Variants in MAN2C1 observed in about 807,000 individuals in gnomAD.
The protein encoded by MAN2C1 is alpha-mannosidase 2C1.
A neutral mutation model predicts 126.9 loss-of-function variants in MAN2C1; 111 were observed. The ratio of observed to expected loss-of-function variants is 0.87; its 90% CI spans 0.75 to 1.02. The LOEUF is 1.02. Among genes scored for constraint, MAN2C1 ranks in the 50% least tolerant of loss-of-function variants. The pLI is 0.00. For synonymous variants in MAN2C1, 567 were observed against 561.5 expected, an observed-to-expected ratio of 1.01 and a Z score of -0.14; for missense variants, 1,363 against 1,364.4, an observed-to-expected ratio of 1.00 and a Z score of 0.02.
At chr15:75,360,835 AG>A (rs1250019931) in intron 12 of MAN2C1, 147 bp from the exon 13 acceptor site, 1 of 1,208,290 alleles carries the variant, frequency 8.3e-7, no homozygotes, top group African/African-American at 1.5e-5. Context: ...TGGACGCCCT[AG>A]GAGAGCCTCT....
intron 16 of MAN2C1, 45 bp downstream of exon 16, chr15:75,359,575 T>C (rs2141329812): frequency 6.2e-7 from 1 of 1,606,974 alleles, no homozygotes; most frequent in Non-Finnish European, 8.5e-7. Context: ...CTGTCTGGCC[T>C]CCATCCTTCC....
Position 75,361,942 on chromosome 15 carries a change from C to T in MAN2C1, c.1014G>A (p.Gly338=), listed in dbSNP as rs139944296. The change falls in exon 9 of 26, where the codon GGG becomes GGA. Residue 338 remains glycine, a synonymous_variant. Transcript: ENST00000267978. The surrounding 1 kb of genome is among the most constrained non-coding windows in gnomAD (Gnocchi z 5.0). ...PVGGTWVEMD[G]NLPSGEAMVR... ...CCATGGCCTCTCCACTGGGCAGGTT[C>T]CCATCCTGGCAGTGAAGGAAGTGGG... 45 of 1,613,452 alleles carry T rather than the reference C, an allele frequency of 2.8e-5. No homozygotes were observed. The African/African-American group carries it at 4.8e-4, about 17-fold the overall frequency.
Position 75,359,718 on chromosome 15 carries a change from C to T in MAN2C1, c.1850G>A (p.Gly617Glu). 1.9e-6 allele frequency: 3 copies of T among 1,614,144 alleles called. No homozygotes were observed. Among genetic ancestry groups the T allele is most frequent in the Non-Finnish European group, 2.5e-6 (3 of 1,180,034 alleles). The change falls in exon 16 of 26, where the codon GGG becomes GAG. Residue 617 changes from glycine (G) to glutamate (E), a missense_variant. Physicochemically the swap from Gly to Glu is moderately conservative, Grantham distance 98 (BLOSUM62 -2). This residue lies in a region of MAN2C1 where 668 missense variants were observed against 650.1 expected (regional missense o/e 1.03). Transcript: ENST00000267978. ...GAGGAGGCCCTCAGGACCTGGCTCC[C>T]CAGCACACAGGGCTGCGGCTGCAGC... ...LSAAAAALCA[G>E]EPGPEGLLIV...
intron 1 of MAN2C1, 83 bp from the exon 2 acceptor site, chr15:75,368,281 T>C: frequency 1.3e-6 from 2 of 1,518,474 alleles, no homozygotes; most frequent in Non-Finnish European, 1.8e-6. Context: ...GGCCGCACTT[T>C]CCCTGGATCC....
intron 15 of MAN2C1, 52 bp downstream of exon 15, chr15:75,359,851 T>C: frequency 6.2e-7 from 1 of 1,612,176 alleles, no homozygotes; most frequent in Non-Finnish European, 8.5e-7. Flanking sequence ...GGGGACACTC[T>C]GGGCTCAGCC....
At position 75,362,472 on chromosome 15, in the gene MAN2C1, G is replaced by A; in HGVS notation, c.898-19C>T. The A allele has an allele frequency of 6.3e-7, 1 of 1,590,040 alleles. No individual in the cohort carries two copies. Among genetic ancestry groups the A allele is most frequent in the Non-Finnish European group, 8.6e-7 (1 of 1,167,696 alleles). ...GCTGCGCCTGTGGGCAGGTTGAAGG[G>A]AGCTGGGACCAGAGTGACAAGGGCC... is the stretch of plus-strand genomic sequence containing the variant. On this transcript the variant is annotated intron_variant, in intron 7 of 25. Transcript: ENST00000267978. The surrounding 1 kb of genome is among the most constrained non-coding windows in gnomAD (Gnocchi z 4.5).
chr15:75,364,772 TC>T, intron 4 of MAN2C1, 107 bp from the exon 5 acceptor site: 1 of 994,034 alleles, frequency 1.0e-6, no homozygotes, highest in Non-Finnish European at 1.4e-6. Flanking sequence ...CCTGTCTGCT[TC>T]CAGGATCCAC....
rs763778979 is a variant in MAN2C1 at position 75,356,232 on chromosome 15, A to C, written c.2887-13T>G. 6.2e-7 allele frequency: 1 copy of C among 1,612,820 alleles called. No individual in the cohort carries two copies. Among genetic ancestry groups the C allele is most frequent in the Non-Finnish European group, 8.5e-7 (1 of 1,179,696 alleles). On this transcript the variant is annotated splice_polypyrimidine_tract_variant and intron_variant, in intron 24 of 25. Coordinates refer to ENST00000267978, the MANE Select transcript of MAN2C1 (RefSeq NM_006715.4). The surrounding 1 kb of genome is among the most constrained non-coding windows in gnomAD (Gnocchi z 5.8). ...GGCTGCTCTCCGCCTGCAGAGGAAC[A>C]CGTCTGGTGGGAGGGGCCGAGGGCA...
rs1416369829 is a variant in MAN2C1, at chr15:75,362,525, A to C, written c.898-72T>G. ...ACCCAGGACTGAGCATATGGGACTC[A>C]GTGTGTGGCTGAGGGTGAGGAGCAG... is the stretch of plus-strand genomic sequence containing the variant. On this transcript the variant is annotated intron_variant, in intron 7 of 25. Transcript: ENST00000267978. The surrounding 1 kb of genome is among the most constrained non-coding windows in gnomAD (Gnocchi z 4.5). 6.6e-7 allele frequency: 1 copy of C among 1,524,150 alleles called. No homozygotes were observed. The highest frequency in any genetic ancestry group is 2.4e-5 in the East Asian group (1 of 42,178). 94.4% of individuals were successfully genotyped at this position (1,524,150 alleles called of 1,614,324 possible).
At position 75,358,452 on chromosome 15, in the gene MAN2C1, C is replaced by T; in HGVS notation, c.2403+10G>A. On this transcript the variant is annotated intron_variant, in intron 20 of 25. Coordinates refer to ENST00000267978, the MANE Select transcript of MAN2C1 (RefSeq NM_006715.4). ...TTGGGGAAAACAGCCACCCCCTACC[C>T]CCCGACTACCTCGGTGTGGAAGCGG... 1 of 1,613,384 alleles carries T rather than the reference C, an allele frequency of 6.2e-7. No individual in the cohort carries two copies. The highest frequency in any genetic ancestry group is 1.3e-5 in the African/African-American group (1 of 75,050).
Position 75,358,239 on chromosome 15 carries a change from T to C in MAN2C1, c.2509A>G (p.Thr837Ala), listed in dbSNP as rs1204750939. The change falls in exon 21 of 26, where the codon ACC becomes GCC. Residue 837 changes from threonine (T) to alanine (A), a missense_variant. By Grantham distance (58) the Thr-to-Ala change is moderately conservative (BLOSUM62 0). This residue lies in a region of MAN2C1 where 668 missense variants were observed against 650.1 expected (regional missense o/e 1.03). Transcript: ENST00000267978. ...CAGTCCCAAGAGGTATTGTAGTGGG[T>C]AGGTCGCTGCAGGTGCCCAAACTGG... Reference protein sequence around the residue: ...EIQFGHLQRPTHYNTSWDWAR... With the variant: ...EIQFGHLQRPAHYNTSWDWAR... 5 of 1,614,048 alleles carry C rather than the reference T, an allele frequency of 3.1e-6. No homozygotes were observed. The highest frequency in any genetic ancestry group is 1.7e-6 in the Non-Finnish European group (2 of 1,180,032).
At chr15:75,367,923 C>A in intron 2 of MAN2C1, 150 bp downstream of exon 2, 1 of 1,123,076 alleles carries the variant, frequency 8.9e-7, no homozygotes, top group East Asian at 2.6e-5. Context: ...GAGAGCTGTT[C>A]CCAGCAGAGG....
Position 75,356,130 on chromosome 15 carries a change from C to A in MAN2C1, c.2976G>T (p.Leu992=). The part of the protein sequence containing the change: ...SHVDCWLHLS[L]PVQEAILCDL... ...CTCACAGGATGGCCTCCTGAACCGG[C>A]AGCGACAAGTGCAGCCAGCAGTCCA... Residue 992 remains leucine (L), a synonymous_variant, in exon 25 of 26, where the codon CTG becomes CTT. Transcript: ENST00000267978. The surrounding 1 kb of genome is among the most constrained non-coding windows in gnomAD (Gnocchi z 5.8). 6.2e-7 allele frequency: 1 copy of A among 1,613,820 alleles called. No individual in the cohort carries two copies. The highest frequency in any genetic ancestry group is 8.5e-7 in the Non-Finnish European group (1 of 1,180,012).
Position 75,359,372 on chromosome 15 carries a change from G to A in MAN2C1, c.2002C>T (p.Leu668=), listed in dbSNP as rs758952816. The change falls in exon 17 of 26, where the codon CTG becomes TTG. Residue 668 remains leucine (L), a synonymous_variant. Coordinates refer to ENST00000267978, the MANE Select transcript of MAN2C1 (RefSeq NM_006715.4). ...GYAPVPPPTS[L]QPLLPQQPVF... ...GGCTGCTGGGGCAGCAGGGGCTGCA[G>A]TGAGGTGGGGGGAGGAACAGGAGCA... 25 of 1,606,428 alleles carry A rather than the reference G, an allele frequency of 1.6e-5. No individual in the cohort carries two copies. Among genetic ancestry groups the A allele is most frequent in the Non-Finnish European group, 2.0e-5 (23 of 1,176,850 alleles).
intron 12 of MAN2C1, 55 bp downstream of exon 12, chr15:75,360,991 G>T: frequency 6.4e-7 from 1 of 1,563,354 alleles, no homozygotes; most frequent in Non-Finnish European, 8.7e-7. Flanking sequence ...GGGAAGGCAG[G>T]GCTCATGGCA....
Position 75,368,097 on chromosome 15 carries a change from T to G in MAN2C1, c.203A>C (p.Gln68Pro), listed in dbSNP as rs763419017. The change falls in exon 2 of 26, where the codon CAG (glutamine) becomes CCG (proline). Residue 68 changes from glutamine to proline, a missense_variant. Physicochemically the swap from Gln to Pro is moderately conservative, Grantham distance 76. This residue lies in a region of MAN2C1 where 628 missense variants were observed against 609.8 expected (regional missense o/e 1.03). Transcript: ENST00000267978. Reference sequence around the variant, plus strand: ...CGTGGGTCCGAAGCTGTCGCCGACCTGCGCGGGGCGGAAGTCCCGCTGGAC... The same window carrying G: ...CGTGGGTCCGAAGCTGTCGCCGACCGGCGCGGGGCGGAAGTCCCGCTGGAC... ...EAVQRDFRPA[Q>P]VGDSFGPTWW... 4 of 1,607,820 alleles carry G rather than the reference T, an allele frequency of 2.5e-6. No individual in the cohort carries two copies. In the Admixed American group the frequency reaches 6.7e-5, roughly 27 times the overall value.
chr15:75,361,635 T>G lies in MAN2C1; in HGVS notation c.1187A>C (p.Lys396Thr), dbSNP rs777166939. ...GGAGTTCACCAAATTCCAGCTCAAT[T>G]TCTGGGTGAGAAAGCGCCTGATGCC... is the stretch of plus-strand genomic sequence containing the variant. ...GCGIRRFLTQ[K>T]LSWNLVNSFP... The change falls in exon 10 of 26, where the codon AAA becomes ACA. Residue 396 changes from lysine to threonine, a missense_variant. Around this residue, in one of 3 missense-constraint regions of MAN2C1, gnomAD observed 628 missense variants for 609.8 expected, o/e 1.03. Coordinates refer to ENST00000267978, the MANE Select transcript of MAN2C1 (RefSeq NM_006715.4). This position sits in a 1 kb window ranked among gnomAD's most constrained non-coding sequence, Gnocchi z 5.0. The G allele has an allele frequency of 1.2e-6, 2 of 1,613,928 alleles. No individual in the cohort carries two copies. The highest frequency in any genetic ancestry group is 1.7e-6 in the Non-Finnish European group (2 of 1,179,978).
Position 75,361,740 on chromosome 15 carries a change from T to C in MAN2C1, c.1102-20A>G, listed in dbSNP as rs369109247. 3 of 1,605,452 alleles carry C rather than the reference T, an allele frequency of 1.9e-6. No homozygotes were observed. In the African/African-American group the frequency reaches 4.0e-5, roughly 21 times the overall value. ...CCAGAACTGTGGAGAAAGAGGATCC[T>C]GGAGTGCAGGAACCAGAGCTCCAGG... On this transcript the variant is annotated intron_variant, in intron 9 of 25. Coordinates refer to ENST00000267978, the MANE Select transcript of MAN2C1 (RefSeq NM_006715.4). The surrounding 1 kb of genome is among the most constrained non-coding windows in gnomAD (Gnocchi z 5.0).
chr15:75,358,141 A>G, intron 21 of MAN2C1, 60 bp downstream of exon 21: 2 of 1,597,288 alleles, frequency 1.3e-6, no homozygotes, highest in Non-Finnish European at 1.7e-6. Context: ...CCTGTTCCAC[A>G]CAAGCAGTCT....
Sources: allele counts gnomAD v4.1 joint callset, GRCh38; gene constraint gnomAD v4.1.1; regional missense constraint gnomAD v4.1.1; non-coding constraint Gnocchi (gnomAD v3.1); transcripts MANE v1.5; gene names NCBI Gene and HGNC (gene_info 2026-07-23, HGNC 2026-07-21).